The following PPP4R3B variants were observed in gnomAD, a reference collection of about 807,000 sequenced individuals.
PPP4R3B encodes the protein protein phosphatase 4 regulatory subunit 3B.
PPP4R3B carries 52 observed loss-of-function variants against 95.4 expected under a neutral mutation model. That is an observed-to-expected ratio of 0.54 (90% confidence interval 0.44 to 0.69). The LOEUF is 0.69. Ranked by LOEUF, PPP4R3B falls within the 30% of genes least tolerant of loss-of-function variation. The probability of loss-of-function intolerance (pLI) is 0.00; values close to 1 mark genes in which losing one functional copy is unlikely to be tolerated. For synonymous variants in PPP4R3B, 407 were observed against 343.9 expected, an observed-to-expected ratio of 1.18 and a Z score of -2.03; for missense variants, 1,003 against 1,005.9, an observed-to-expected ratio of 1.00 and a Z score of 0.04.
At chr2:55,586,515 A>C in intron 6 of PPP4R3B, 103 bp downstream of exon 6, 1 of 621,628 alleles carries the variant, frequency 1.6e-6, no homozygotes, top group South Asian at 2.7e-5. Context: ...AAGATAGCTA[A>C]ACTATAGAAT....
intron 8 of PPP4R3B, 30 bp downstream of exon 8, chr2:55,581,537 A>G (rs369345016): frequency 6.3e-7 from 1 of 1,599,118 alleles, no homozygotes; most frequent in South Asian, 1.1e-5. Context: ...GACTAGGCCA[A>G]AACATTTTTA....
Position 55,581,681 on chromosome 2 carries a change from A to T in PPP4R3B, c.1251T>A (p.Asn417Lys). 1 of 1,612,954 alleles carries T rather than the reference A, an allele frequency of 6.2e-7. No individual in the cohort carries two copies. The highest frequency in any genetic ancestry group is 8.5e-7 in the Non-Finnish European group (1 of 1,179,608). ...QQSDDDILLI[N>K]VVIEQMICDT... Reference sequence around the variant, plus strand: ...CACAGATCATTTGTTCAATTACCACATTAATAAGAAGAATATCCTGGTGGC... The same window carrying T: ...CACAGATCATTTGTTCAATTACCACTTTAATAAGAAGAATATCCTGGTGGC... The change falls in exon 8 of 17, where the codon AAT (asparagine) becomes AAA (lysine). Residue 417 changes from asparagine to lysine, a missense_variant. Coordinates refer to ENST00000616407, the MANE Select transcript of PPP4R3B (RefSeq NM_001122964.3).
intron 15 of PPP4R3B, among the ~76,000 whole-genome samples, chr2:55,561,754 T>C (rs537049252): frequency 3.3e-5 from 5 of 152,370 alleles, no homozygotes; most frequent in Non-Finnish European, 7.3e-5. Flanking sequence ...CCATTTGGAA[T>C]GGGAGCATTT....
chr2:55,598,925 C>G lies in PPP4R3B; in HGVS notation c.412G>C (p.Glu138Gln). The G allele has an allele frequency of 6.2e-7, 1 of 1,614,150 alleles. No homozygotes were observed. The highest frequency in any genetic ancestry group is 1.6e-4 in the Middle Eastern group (1 of 6,062). ...TSHLIDLPTC[E>Q]LNKLEEIADL... ...GCAATCTCTTCAAGTTTATTGAGTT[C>G]ACATGTGGGCAGGTCAATCAGATGA... is the stretch of plus-strand genomic sequence containing the variant. The change falls in exon 4 of 17, where the codon GAA becomes CAA. Residue 138 changes from glutamate to glutamine, a missense_variant. Glu to Gln is a conservative substitution (Grantham distance 29). Around this residue, in one of 3 missense-constraint regions of PPP4R3B, gnomAD observed 695 missense variants for 686.2 expected, o/e 1.01. Coordinates refer to ENST00000616407, the MANE Select transcript of PPP4R3B (RefSeq NM_001122964.3).
In PPP4R3B at chr2:55,579,707, G is replaced by C; in HGVS notation, c.1440C>G (p.Thr480=). 6.2e-7 allele frequency: 1 copy of C among 1,605,900 alleles called. No individual in the cohort carries two copies. The highest frequency in any genetic ancestry group is 8.5e-7 in the Non-Finnish European group (1 of 1,176,134). ...CMHVLTAPLL[T]NTSEDKCEKD... ...TTTCACATTTGTCTTCTGAAGTATT[G>C]GTCAAAAGTGGTGCTGTGAGAACAT... Residue 480 remains threonine, a synonymous_variant, in exon 9 of 17, where the codon ACC becomes ACG. Transcript: ENST00000616407.
chr2:55,603,748 A>G (rs1203951153), intron 3 of PPP4R3B, among the ~76,000 whole-genome samples: 2 of 152,216 alleles, frequency 1.3e-5, no homozygotes, highest in Non-Finnish European at 2.9e-5. Flanking sequence ...ATTAATTATG[A>G]GCATATGCTA....
intron 16 of PPP4R3B, among the ~76,000 whole-genome samples, chr2:55,551,835 A>T (rs769574321): frequency 6.6e-6 from 1 of 152,228 alleles, no homozygotes; most frequent in Non-Finnish European, 1.5e-5. Context: ...TTAGTGTTCA[A>T]TAAGTGCTAT....
intron 3 of PPP4R3B, among the ~76,000 whole-genome samples, chr2:55,602,679 G>A (rs1218017528): frequency 6.6e-6 from 1 of 152,216 alleles, no homozygotes; most frequent in Non-Finnish European, 1.5e-5. Context: ...TCACTGCTGG[G>A]AGAAGTAAGT....
At chr2:55,568,131 T>C (rs1687540978) in intron 13 of PPP4R3B, 63 bp downstream of exon 13, 2 of 1,162,440 alleles carry the variant, frequency 1.7e-6, no homozygotes, top group Non-Finnish European at 2.2e-6. Flanking sequence ...CATGTAATTC[T>C]TTTACATAAA....
intron 5 of PPP4R3B, 52 bp from the exon 6 acceptor site, chr2:55,586,786 C>T: frequency 1.8e-6 from 2 of 1,099,038 alleles, no homozygotes; most frequent in Non-Finnish European, 2.7e-6. Context: ...ACTTGGGGCA[C>T]ACTATAGTAA....
intron 4 of PPP4R3B, 140 bp downstream of exon 4, chr2:55,598,276 T>C (rs983966899): frequency 3.5e-6 from 3 of 865,336 alleles, no homozygotes; most frequent in African/African-American, 1.7e-5. Flanking sequence ...CCAATTTCTT[T>C]TGTTTACTTT....
intron 15 of PPP4R3B, 142 bp downstream of exon 15, chr2:55,564,171 C>A: frequency 1.6e-6 from 1 of 608,226 alleles, no homozygotes; most frequent in Non-Finnish European, 2.6e-6. Context: ...GGAAAAAGTA[C>A]ATAATTTTAA....
chr2:55,584,333 ACTGT>A (rs1353811268), intron 7 of PPP4R3B, among the ~76,000 whole-genome samples: 2 of 152,048 alleles, frequency 1.3e-5, no homozygotes, highest in African/African-American at 4.8e-5. Flanking sequence ...TCATTATTAA[ACTGT>A]CTTTTTTTTA....
chr2:55,592,401 C>T (rs957120723), intron 4 of PPP4R3B, among the ~76,000 whole-genome samples: 2 of 151,862 alleles, frequency 1.3e-5, no homozygotes, highest in Non-Finnish European at 2.9e-5. Flanking sequence ...CAAACCAAAG[C>T]AAAAGATACA....
At chr2:55,603,247 C>T (rs1208343653) in intron 3 of PPP4R3B, among the ~76,000 whole-genome samples, 1 of 152,132 alleles carries the variant, frequency 6.6e-6, no homozygotes, top group African/African-American at 2.4e-5. Flanking sequence ...GTAACCGCGT[C>T]CGGATGGACA....
chr2:55,578,224 G>A, intron 10 of PPP4R3B, 23 bp downstream of exon 10: 1 of 1,389,132 alleles, frequency 7.2e-7, no homozygotes, highest in Middle Eastern at 1.9e-4. Flanking sequence ...ATATAGGAGT[G>A]ATACACTCCA....
chr2:55,563,764 T>A (rs1362909311), intron 15 of PPP4R3B, among the ~76,000 whole-genome samples: 1 of 152,230 alleles, frequency 6.6e-6, no homozygotes, highest in East Asian at 1.9e-4. Flanking sequence ...GTAAAATGGT[T>A]AGTTCTTTTG....
At chr2:55,607,348 A>G (rs1399856464) in intron 2 of PPP4R3B, among the ~76,000 whole-genome samples, 1 of 152,182 alleles carries the variant, frequency 6.6e-6, no homozygotes, top group Non-Finnish European at 1.5e-5. Flanking sequence ...CCCTACTTCT[A>G]ATGCCAATTG....
At position 55,549,640 on chromosome 2, in the gene PPP4R3B, T is replaced by C. The variant is rs1685027813; in HGVS notation, c.*271A>G. On this transcript the variant is annotated 3_prime_UTR_variant, in exon 17 of 17. Transcript: ENST00000616407. ...TAAACCGTCCCCAAACCTGTGACTT[T>C]TCCTTGCTGAGAAGCTGTCTCCCAG... The C allele has an allele frequency of 5.1e-6, 2 of 392,910 alleles. No homozygotes were observed. Among genetic ancestry groups the C allele is most frequent in the Non-Finnish European group, 9.1e-6 (2 of 219,934 alleles). The allele number at this position is 392,910 out of a possible 1,614,324, so 24.3% of individuals were successfully genotyped here.
Sources: gnomAD v4.1 joint callset for allele counts (sites outside exome capture counted in the v4.1 genomes callset) on GRCh38, gnomAD v4.1.1 for gene constraint, gnomAD v4.1.1 regional missense constraint, MANE v1.5 for transcripts, NCBI Gene and HGNC (gene_info 2026-07-23, HGNC 2026-07-21) for gene names.